The following FGFR2 variants were observed in gnomAD, a reference collection of about 807,000 sequenced individuals.
The protein encoded by FGFR2 is BEK fibroblast growth factor receptor.
Under a neutral mutation model 95.9 loss-of-function variants are expected in FGFR2, and 19 were observed. That is an observed-to-expected ratio of 0.20 (90% CI 0.14 to 0.29). The LOEUF (loss-of-function observed/expected upper bound fraction) is 0.29. Among genes scored for constraint, FGFR2 ranks in the 10% least tolerant of loss-of-function variants. The probability of loss-of-function intolerance (pLI) is 1.00; values close to 1 mark genes in which losing one functional copy is unlikely to be tolerated. For missense variants in FGFR2, 707 were observed against 1,056.9 expected, an observed-to-expected ratio of 0.67 and a Z score of 4.59; for synonymous variants, 392 against 393.3, an observed-to-expected ratio of 1.00 and a Z score of 0.04.
chr10:121,484,022 C>T (rs1416819620), intron 16 of FGFR2, among the ~76,000 whole-genome samples: 1 of 152,012 alleles, frequency 6.6e-6, no homozygotes, highest in Non-Finnish European at 1.5e-5. Context: ...AGAAAGGCAT[C>T]GAAGCCATCA....
chr10:121,564,409 T>G, intron 4 of FGFR2, 93 bp downstream of exon 4: 1 of 1,181,558 alleles, frequency 8.5e-7, no homozygotes, highest in Non-Finnish European at 1.3e-6. Flanking sequence ...GGACACAGCA[T>G]GGCGCAGAAG....
intron 17 of FGFR2, chr10:121,482,265 G>A (rs2133740614): frequency 7.5e-7 from 1 of 1,331,550 alleles, no homozygotes. Context: ...GGCAGAAGAA[G>A]AAAGTTGGTT....
chr10:121,487,457 T>C (rs369234924), intron 14 of FGFR2, 33 bp from the exon 15 acceptor site: 95 of 1,572,852 alleles, frequency 6.0e-5, no homozygotes, highest in Non-Finnish European at 7.9e-5. Context: ...AAAAACTAAA[T>C]ATATTTAAAA....
intron 2 of FGFR2, among the ~76,000 whole-genome samples, chr10:121,576,856 C>T (rs1416504337): frequency 1.3e-5 from 2 of 151,706 alleles, no homozygotes; most frequent in Non-Finnish European, 2.9e-5. Flanking sequence ...AGACCAAGGC[C>T]GGGCATGGTG....
rs61527395 is a variant in FGFR2 at position 121,524,101 on chromosome 10, TACACACACACAC to T, written c.749-3944_749-3933del. 8.3e-4 allele frequency among the ~76,000 whole-genome samples: 74 copies of T among 89,210 alleles called. 1 individual carries two copies. The highest frequency in any genetic ancestry group is 2.4e-3 in the African/African-American group (67 of 27,832). 58.5% of individuals were successfully genotyped at this position (89,210 alleles called of 152,430 possible). A position where few individuals can be genotyped will look rare whatever the true frequency, so the allele number is the denominator to read the frequency against. On this transcript the variant is annotated intron_variant, in intron 6 of 17. Coordinates refer to ENST00000358487, the MANE Select transcript of FGFR2 (RefSeq NM_000141.5). ...ATTCCAATGCTATCCCGGCTATGTATACACACACACACACACACACACACACACACACACACA... is the reference window on the plus strand; with the variant it reads ...ATTCCAATGCTATCCCGGCTATGTATACACACACACACACACACACACACA...
chr10:121,572,501 C>T (rs1336517767), intron 2 of FGFR2, among the ~76,000 whole-genome samples: 1 of 152,106 alleles, frequency 6.6e-6, no homozygotes, highest in Non-Finnish European at 1.5e-5. Flanking sequence ...TGCCTGTAAT[C>T]CCAGCTATTT....
At chr10:121,501,744 C>T (rs954539058) in intron 10 of FGFR2, among the ~76,000 whole-genome samples, 3 of 152,104 alleles carry the variant, frequency 2.0e-5, no homozygotes, top group Non-Finnish European at 2.9e-5. Flanking sequence ...GGTAAGTACA[C>T]AATAGTTTGC....
At chr10:121,528,745 A>C (rs2134444321) in intron 6 of FGFR2, among the ~76,000 whole-genome samples, 1 of 152,290 alleles carries the variant, frequency 6.6e-6, no homozygotes, top group Non-Finnish European at 1.5e-5. Flanking sequence ...GCATGACCTA[A>C]AGAGAAACTT....
chr10:121,594,612 C>G (rs548130358), intron 1 of FGFR2, among the ~76,000 whole-genome samples: 4 of 152,332 alleles, frequency 2.6e-5, no homozygotes, highest in African/African-American at 4.8e-5. Flanking sequence ...AGTCTTCCGC[C>G]AAGCAGCCAC....
rs935395253 is a variant in FGFR2 at position 121,517,537 on chromosome 10, A to T, written c.940-74T>A. On this transcript the variant is annotated intron_variant, in intron 7 of 17. Coordinates refer to ENST00000358487, the MANE Select transcript of FGFR2 (RefSeq NM_000141.5). This position sits in a 1 kb window ranked among gnomAD's most constrained non-coding sequence, Gnocchi z 4.7. ...TTGTGGAGGGGGCTGTGGAACCACAAGGCGTCGCACCGGGGGCTTCAGGGG... is the reference window on the plus strand; with the variant it reads ...TTGTGGAGGGGGCTGTGGAACCACATGGCGTCGCACCGGGGGCTTCAGGGG... The T allele has an allele frequency of 2.5e-6, 4 of 1,588,774 alleles. No individual in the cohort carries two copies. Among genetic ancestry groups the T allele is most frequent in the Non-Finnish European group, 3.4e-6 (4 of 1,160,092 alleles).
chr10:121,597,897 G>GGGCTCCCGTGGCGCCCACGTCCCC (rs1863699830), intron 1 of FGFR2, 65 bp downstream of exon 1: 1 of 388,688 alleles, frequency 2.6e-6, no homozygotes, highest in Non-Finnish European at 4.5e-6. Context: ...CCGGCGTCCC[G>GGGCTCCCGTGGCGCCCACGTCCCC]GGCTCCCGTG....
At chr10:121,486,654 A>C (rs1455985521) in intron 15 of FGFR2, among the ~76,000 whole-genome samples, 3 of 152,284 alleles carry the variant, frequency 2.0e-5, no homozygotes, top group East Asian at 1.9e-4. Flanking sequence ...GTTGGCCAGG[A>C]TGGCCTTGAT....
chr10:121,484,226 G>A (rs895567123), intron 16 of FGFR2, among the ~76,000 whole-genome samples: 9 of 152,004 alleles, frequency 5.9e-5, no homozygotes, highest in Non-Finnish European at 1.3e-4. Flanking sequence ...GGTGCTTTGG[G>A]TCTTAATGAT....
At chr10:121,542,919 C>A (rs1332244232) in intron 5 of FGFR2, among the ~76,000 whole-genome samples, 1 of 152,120 alleles carries the variant, frequency 6.6e-6, no homozygotes, top group Non-Finnish European at 1.5e-5. Context: ...GGTTAAAGAC[C>A]CAGGCTGTCA....
chr10:121,522,879 A>C (rs1239040886), intron 6 of FGFR2, among the ~76,000 whole-genome samples: 1 of 152,188 alleles, frequency 6.6e-6, no homozygotes, highest in East Asian at 1.9e-4. Flanking sequence ...AGGAGAACTC[A>C]GCCAGCTCAG....
At chr10:121,533,111 G>A (rs923790498) in intron 6 of FGFR2, among the ~76,000 whole-genome samples, 2 of 152,190 alleles carry the variant, frequency 1.3e-5, no homozygotes, top group African/African-American at 4.8e-5. Context: ...ATAAAAGACC[G>A]GGCACGGTGG....
chr10:121,524,146 A>ACACACACACACCCCCCCCCCC (rs142755962), intron 6 of FGFR2, among the ~76,000 whole-genome samples: 1 of 136,892 alleles, frequency 7.3e-6, no homozygotes. Flanking sequence ...ACACACACAC[A>ACACACACACACCCCCCCCCCC]CCCCAAGTTT....
At position 121,478,894 on chromosome 10, in the gene FGFR2, GACGCTGGT is replaced by G; in HGVS notation, c.*955_*962del. 2 of 233,584 alleles carry G rather than the reference GACGCTGGT, an allele frequency of 8.6e-6. No homozygotes were observed. The highest frequency in any genetic ancestry group is 8.5e-6 in the Non-Finnish European group (1 of 117,974). 14.5% of individuals were successfully genotyped at this position (233,584 alleles called of 1,614,324 possible). A position where few individuals can be genotyped will look rare whatever the true frequency, so the allele number is the denominator to read the frequency against. On this transcript the variant is annotated 3_prime_UTR_variant, in exon 18 of 18. Transcript: ENST00000358487. ...AATGGATTAAGGCATCTTTTAAGAG[GACGCTGGT>G]ACCATTTATCTTGGGAAGTCCAGTT...
chr10:121,546,185 T>TGAAA (rs577456739), intron 5 of FGFR2, among the ~76,000 whole-genome samples: 3 of 135,378 alleles, frequency 2.2e-5, no homozygotes, highest in Admixed American at 2.2e-4. Context: ...ACCTCTTTAT[T>TGAAA]AAAAAAAAAA....
Sources: allele counts gnomAD v4.1 joint callset (sites outside exome capture counted in the v4.1 genomes callset), GRCh38; gene constraint gnomAD v4.1.1; non-coding constraint Gnocchi (gnomAD v3.1); transcripts MANE v1.5; gene names NCBI Gene and HGNC (gene_info 2026-07-23, HGNC 2026-07-21).